TBXAS1: variants seen among roughly 807,000 people sequenced by gnomAD.
TBXAS1 encodes thromboxane-A synthase.
Under a neutral mutation model 60.7 loss-of-function variants are expected in TBXAS1, and 48 were observed. That is an observed-to-expected ratio of 0.79 (90% CI 0.63 to 1.01). The LOEUF is 1.01. Among genes scored for constraint, TBXAS1 ranks in the 50% least tolerant of loss-of-function variants. The pLI, the probability that TBXAS1 is intolerant of heterozygous loss-of-function variation, is 0.00. For synonymous variants in TBXAS1, 287 were observed against 269.7 expected (o/e 1.06, Z -0.63); for missense variants, 685 against 686.3 (o/e 1.00, Z 0.02).
chr7:139,912,317 A>G (rs557709791), intron 4 of TBXAS1, among the ~76,000 whole-genome samples: 24 of 152,184 alleles, frequency 1.6e-4, no homozygotes, highest in African/African-American at 4.8e-4. Flanking sequence ...CCATTTTCCA[A>G]AAATAGGGAG....
chr7:139,812,078 G>A (rs1798033535), intron 4 of TBXAS1, among the ~76,000 whole-genome samples: 2 of 152,162 alleles, frequency 1.3e-5, no homozygotes, highest in Non-Finnish European at 2.9e-5. Context: ...TTCCACAGGT[G>A]GTAGTTCAGT....
intron 7 of TBXAS1, among the ~76,000 whole-genome samples, chr7:139,956,081 G>A (rs540564938): frequency 3.3e-5 from 5 of 152,282 alleles, no homozygotes; most frequent in Admixed American, 1.3e-4. Context: ...CAGAAATCCT[G>A]TGTGGTGGAT....
At position 139,858,117 on chromosome 7, in the gene TBXAS1, C is replaced by T. The variant is rs150895623; in HGVS notation, c.90-14118C>T. 1.0e-3 allele frequency among the ~76,000 whole-genome samples: 159 copies of T among 152,296 alleles called. 1 individual carries two copies. Among genetic ancestry groups the T allele is most frequent in the African/African-American group, 3.7e-3 (155 of 41,562 alleles). Reference sequence around the variant, plus strand: ...AACACACTCCATTTTAAGGCAGTTTCTTTGCAGTGCTTCTTCGTACACATC... The same window carrying T: ...AACACACTCCATTTTAAGGCAGTTTTTTTGCAGTGCTTCTTCGTACACATC... On this transcript the variant is annotated intron_variant, in intron 1 of 12. Transcript: ENST00000448866.
chr7:139,962,478 A>AAG (rs760654442), intron 9 of TBXAS1: 4 of 455,542 alleles, frequency 8.8e-6, no homozygotes, highest in Non-Finnish European at 1.2e-5. Flanking sequence ...GTAGTCCATG[A>AAG]AGCCAGGCCT....
At chr7:139,834,942 G>A (rs1323198430) in intron 1 of TBXAS1, among the ~76,000 whole-genome samples, 1 of 151,950 alleles carries the variant, frequency 6.6e-6, no homozygotes, top group African/African-American at 2.4e-5. Flanking sequence ...GACAGAGAAA[G>A]AAGGAACCCT....
At chr7:139,893,865 G>A (rs1419952220) in intron 3 of TBXAS1, among the ~76,000 whole-genome samples, 3 of 152,210 alleles carry the variant, frequency 2.0e-5, no homozygotes, top group Admixed American at 1.3e-4. Context: ...ATTCAATAGA[G>A]TAGGGAGGTT....
chr7:139,913,961 T>C (rs1407185623), intron 4 of TBXAS1: 2 of 152,218 alleles, frequency 1.3e-5, no homozygotes, highest in Non-Finnish European at 2.9e-5. Flanking sequence ...ACGCTGACAC[T>C]GCCTCAGAAT....
At chr7:139,923,161 AAT>A (rs147721420) in intron 4 of TBXAS1, among the ~76,000 whole-genome samples, 17 of 150,302 alleles carry the variant, frequency 1.1e-4, no homozygotes, top group African/African-American at 2.9e-4. Context: ...CTACTAAACA[AAT>A]ATATATATAT....
intron 4 of TBXAS1, among the ~76,000 whole-genome samples, chr7:139,814,195 C>T (rs1206462963): frequency 6.6e-6 from 1 of 152,174 alleles, no homozygotes; most frequent in African/African-American, 2.4e-5. Context: ...CAGCTCACTT[C>T]CTGATCAACT....
intron 8 of TBXAS1, among the ~76,000 whole-genome samples, chr7:139,959,454 G>A (rs145529311): frequency 3.8e-4 from 58 of 152,252 alleles, no homozygotes; most frequent in Non-Finnish European, 6.8e-4. Flanking sequence ...AACCAGCACC[G>A]TTTCAGTCCT....
intron 9 of TBXAS1, among the ~76,000 whole-genome samples, chr7:139,964,239 C>T (rs1437480554): frequency 6.6e-6 from 1 of 152,230 alleles, no homozygotes; most frequent in Non-Finnish European, 1.5e-5. Flanking sequence ...ACATTCACCA[C>T]CACAACTGGC....
intron 5 of TBXAS1, among the ~76,000 whole-genome samples, chr7:139,937,279 C>A (rs377151401): frequency 2.0e-5 from 3 of 152,318 alleles, no homozygotes; most frequent in East Asian, 3.9e-4. Context: ...GTGCCCTGGG[C>A]TTCTGCCATC....
chr7:139,808,591 C>G (rs1175013510), intron 4 of TBXAS1, among the ~76,000 whole-genome samples: 1 of 152,172 alleles, frequency 6.6e-6, no homozygotes, highest in Non-Finnish European at 1.5e-5. Flanking sequence ...TTTGAGCTAG[C>G]TCCAGCGTGC....
At chr7:139,784,808 G>A (rs1003704424) in intron 3 of TBXAS1, among the ~76,000 whole-genome samples, 4 of 152,194 alleles carry the variant, frequency 2.6e-5, no homozygotes, top group Non-Finnish European at 4.4e-5. Flanking sequence ...GTTGCCAGGT[G>A]GGTGTACAGG....
intron 9 of TBXAS1, among the ~76,000 whole-genome samples, chr7:139,976,712 G>GGAGT (rs987363064): frequency 5.3e-5 from 8 of 152,156 alleles, no homozygotes; most frequent in African/African-American, 1.9e-4. Context: ...TAGTGGGTCT[G>GGAGT]GAGTGAGGCC....
At chr7:139,955,778 G>A (rs1017580600) in intron 7 of TBXAS1, among the ~76,000 whole-genome samples, 171 bp downstream of exon 7, 3 of 152,140 alleles carry the variant, frequency 2.0e-5, no homozygotes, top group African/African-American at 7.2e-5. Context: ...CTTGTCACCC[G>A]CCTAGGGCCA....
At chr7:139,971,559 C>T (rs896441899) in intron 9 of TBXAS1, among the ~76,000 whole-genome samples, 14 of 152,292 alleles carry the variant, frequency 9.2e-5, no homozygotes, top group Admixed American at 2.0e-4. Flanking sequence ...GGCTGTGCCT[C>T]CCAGAGGTCA....
intron 9 of TBXAS1, among the ~76,000 whole-genome samples, chr7:139,970,706 A>G (rs1811135449): frequency 6.6e-6 from 1 of 152,242 alleles, no homozygotes; most frequent in South Asian, 2.1e-4. Context: ...TTAGAAGTGT[A>G]TTAATCCTAA....
intron 9 of TBXAS1, among the ~76,000 whole-genome samples, chr7:139,979,593 G>T (rs1312520441): frequency 6.6e-6 from 1 of 151,960 alleles, no homozygotes; most frequent in Non-Finnish European, 1.5e-5. Flanking sequence ...AGGCTTGGTG[G>T]CGTGAGCCTG....
Sources: allele counts gnomAD v4.1 joint callset (sites outside exome capture counted in the v4.1 genomes callset), GRCh38; gene constraint gnomAD v4.1.1; transcripts MANE v1.5; gene names NCBI Gene and HGNC (gene_info 2026-07-23, HGNC 2026-07-21).